Variants in KLHL3 observed in about 807,000 individuals in gnomAD.
KLHL3 encodes the protein kelch-like protein 3.
KLHL3 carries 19 observed loss-of-function variants against 70.5 expected under a neutral mutation model. The observed-to-expected ratio is 0.27, with a 90% CI of 0.19 to 0.40. The LOEUF (loss-of-function observed/expected upper bound fraction) is 0.40, where lower values mean the gene tolerates loss of function less well. Ranked by LOEUF, KLHL3 falls within the 10% of genes least tolerant of loss-of-function variation. KLHL3 has a pLI of 1.00. For missense variants in KLHL3, 512 were observed against 771.1 expected, an observed-to-expected ratio of 0.66 and a Z score of 3.98; for synonymous variants, 258 against 290.3, an observed-to-expected ratio of 0.89 and a Z score of 1.13.
At chr5:137,645,903 G>A (rs552623702) in intron 8 of KLHL3, among the ~76,000 whole-genome samples, 1 of 152,274 alleles carries the variant, frequency 6.6e-6, no homozygotes, top group Non-Finnish European at 1.5e-5. Flanking sequence ...CAAAGCTAGA[G>A]TAACTAAAAC....
intron 3 of KLHL3, among the ~76,000 whole-genome samples, chr5:137,709,208 CCAT>C (rs1398262937): frequency 6.6e-6 from 1 of 152,198 alleles, no homozygotes; most frequent in Non-Finnish European, 1.5e-5. Context: ...TCAAAACCCA[CCAT>C]CATTTTTCCA....
intron 3 of KLHL3, among the ~76,000 whole-genome samples, chr5:137,705,022 T>C (rs1389331173): frequency 3.3e-5 from 5 of 152,190 alleles, no homozygotes; most frequent in Non-Finnish European, 7.3e-5. Context: ...TTCTCTGAAC[T>C]ATTCTACCTA....
Position 137,677,408 on chromosome 5 carries a change from A to G in KLHL3, c.636+137T>C, listed in dbSNP as rs533875169. On this transcript the variant is annotated intron_variant, in intron 6 of 14. Transcript: ENST00000309755. ...GGTTGCAGTGAGCCGAGATCACACC[A>G]TCGCACTCCAGCCTGGCCGACAGAG... 9 of 580,012 alleles carry G rather than the reference A, an allele frequency of 1.6e-5. No homozygotes were observed. The South Asian group carries it at 2.1e-4, about 14-fold the overall frequency. The allele number at this position is 580,012 out of a possible 1,614,324, so 35.9% of individuals were successfully genotyped here.
Position 137,735,923 on chromosome 5 carries a change from C to T in KLHL3, c.-277G>A. 1 of 515,240 alleles carries T rather than the reference C, an allele frequency of 1.9e-6. No individual in the cohort carries two copies. The allele number at this position is 515,240 out of a possible 1,614,324, so 31.9% of individuals were successfully genotyped here. A position where few individuals can be genotyped will look rare whatever the true frequency, so the allele number is the denominator to read the frequency against. ...AAGCAGCAACCCACTTGCTCCCCCTCCCCCGCAGGCTTGCTGCTCCTTGGT... is the reference window on the plus strand; with the variant it reads ...AAGCAGCAACCCACTTGCTCCCCCTTCCCCGCAGGCTTGCTGCTCCTTGGT... On this transcript the variant is annotated 5_prime_UTR_variant, in exon 1 of 15. Coordinates refer to ENST00000309755, the MANE Select transcript of KLHL3 (RefSeq NM_017415.3).
chr5:137,712,680 G>T (rs766131068), intron 2 of KLHL3, among the ~76,000 whole-genome samples: 4 of 152,162 alleles, frequency 2.6e-5, no homozygotes, highest in African/African-American at 7.2e-5. Flanking sequence ...CTTGAGGGGA[G>T]AAAAGTAGGA....
At chr5:137,657,882 G>C (rs371910896) in intron 8 of KLHL3, among the ~76,000 whole-genome samples, 1 of 152,256 alleles carries the variant, frequency 6.6e-6, no homozygotes, top group South Asian at 2.1e-4. Context: ...GGGTGAGAGG[G>C]AGCTCTGAGT....
chr5:137,683,197 C>T (rs565402957), intron 5 of KLHL3, among the ~76,000 whole-genome samples: 30 of 152,224 alleles, frequency 2.0e-4, no homozygotes, highest in Admixed American at 4.6e-4. Context: ...TATATGGTGC[C>T]TCTTCCTCTT....
intron 1 of KLHL3, among the ~76,000 whole-genome samples, chr5:137,727,372 T>C (rs994132805): frequency 4.6e-5 from 7 of 152,158 alleles, no homozygotes; most frequent in African/African-American, 1.7e-4. Flanking sequence ...AGGATTATTA[T>C]AATAACCTCC....
At chr5:137,653,763 G>A (rs1455591849) in intron 8 of KLHL3, among the ~76,000 whole-genome samples, 1 of 152,134 alleles carries the variant, frequency 6.6e-6, no homozygotes, top group Non-Finnish European at 1.5e-5. Context: ...ATTTACCCAA[G>A]AGAAATTAAA....
intron 7 of KLHL3, among the ~76,000 whole-genome samples, chr5:137,658,789 A>G (rs1751405974): frequency 2.6e-5 from 4 of 152,172 alleles, no homozygotes; most frequent in Admixed American, 2.0e-4. Flanking sequence ...AAAGATTCAT[A>G]TTCGTTGTCT....
intron 8 of KLHL3, among the ~76,000 whole-genome samples, chr5:137,657,446 G>C (rs185259142): frequency 1.3e-5 from 2 of 152,216 alleles, no homozygotes; most frequent in East Asian, 3.9e-4. Context: ...TCATTCTATA[G>C]ATAAGGAGCC....
At chr5:137,663,540 A>G (rs1751539139) in intron 6 of KLHL3, among the ~76,000 whole-genome samples, 1 of 151,346 alleles carries the variant, frequency 6.6e-6, no homozygotes, top group African/African-American at 2.4e-5. Context: ...TAATAAATAT[A>G]CTTTAAATAA....
intron 5 of KLHL3, among the ~76,000 whole-genome samples, chr5:137,683,765 T>TTC (rs10551182): frequency 5.3e-5 from 8 of 150,190 alleles, no homozygotes; most frequent in South Asian, 2.1e-4. Context: ...CTAGCTCTCT[T>TTC]TCTCTCTCTC....
At chr5:137,709,713 C>T in intron 3 of KLHL3, 37 bp downstream of exon 3, 1 of 1,511,154 alleles carries the variant, frequency 6.6e-7, no homozygotes, top group Non-Finnish European at 9.2e-7. Flanking sequence ...GGGCTGCAGC[C>T]CCATAACCAT....
chr5:137,664,549 C>T (rs916087586), intron 6 of KLHL3, among the ~76,000 whole-genome samples: 1 of 151,794 alleles, frequency 6.6e-6, no homozygotes, highest in Non-Finnish European at 1.5e-5. Context: ...TGTTAAAGGC[C>T]AGGTGCAGTG....
intron 2 of KLHL3, among the ~76,000 whole-genome samples, chr5:137,718,299 G>C (rs563345573): frequency 6.6e-6 from 1 of 152,294 alleles, no homozygotes; most frequent in African/African-American, 2.4e-5. Flanking sequence ...ACTTGTAACA[G>C]AAGTAATGAG....
rs1752088778 is a variant in KLHL3 at position 137,683,688 on chromosome 5, T to C, written c.527-6034A>G. ...GGGAAGGCAGGAAATAAGCTCTCTT[T>C]CCATGTTGCCTTACTCCAGAAATAT... On this transcript the variant is annotated intron_variant, in intron 5 of 14. Transcript: ENST00000309755. 4.6e-5 allele frequency among the ~76,000 whole-genome samples: 7 copies of C among 152,076 alleles called. No individual in the cohort carries two copies. The South Asian group carries it at 1.5e-3, about 32-fold the overall frequency.
intron 5 of KLHL3, among the ~76,000 whole-genome samples, chr5:137,680,576 C>T (rs1221896658): frequency 6.7e-6 from 1 of 150,152 alleles, no homozygotes; most frequent in Non-Finnish European, 1.5e-5. Context: ...CAGAGTTTCG[C>T]TATTTGCCCA....
chr5:137,670,580 C>T (rs929193361), intron 6 of KLHL3, among the ~76,000 whole-genome samples: 2 of 151,922 alleles, frequency 1.3e-5, no homozygotes, highest in African/African-American at 2.4e-5. Flanking sequence ...CATATAAAAG[C>T]TCTGACAACT....
Sources: gnomAD v4.1 joint callset for allele counts (sites outside exome capture counted in the v4.1 genomes callset) on GRCh38, gnomAD v4.1.1 for gene constraint, MANE v1.5 for transcripts, NCBI Gene and HGNC (gene_info 2026-07-23, HGNC 2026-07-21) for gene names.